The following SAP30L variants were observed in gnomAD, a reference collection of about 807,000 sequenced individuals.
SAP30L encodes SAP30 like, also known as histone deacetylase complex subunit SAP30L.
In SAP30L, 10 loss-of-function variants were observed where a neutral mutation model predicts 22.3. That is an observed-to-expected ratio of 0.45 (90% confidence interval 0.28 to 0.76). SAP30L has a LOEUF of 0.76. SAP30L is among the 30% of genes least tolerant of loss of function. SAP30L has a pLI of 0.14. For missense variants in SAP30L, 206 were observed against 237.9 expected, an observed-to-expected ratio of 0.87 and a Z score of 0.88; for synonymous variants, 91 against 94.1, an observed-to-expected ratio of 0.97 and a Z score of 0.19.
chr5:154,450,950 T>G, intron 1 of SAP30L, 141 bp from the exon 2 acceptor site: 1 of 875,230 alleles, frequency 1.1e-6, no homozygotes, highest in East Asian at 2.5e-5. Flanking sequence ...GTAGTGAGCT[T>G]CTGGGAATGA....
chr5:154,456,143 A>T lies in SAP30L; in HGVS notation c.*115A>T. Reference sequence around the variant, plus strand: ...TATTGTAAATAAAAAAGTTTGAATGATGAATACTGTAAATCTTTTTGGTCA... The same window carrying T: ...TATTGTAAATAAAAAAGTTTGAATGTTGAATACTGTAAATCTTTTTGGTCA... On this transcript the variant is annotated 3_prime_UTR_variant, in exon 4 of 4. Transcript: ENST00000297109. The T allele has an allele frequency of 1.9e-6, 2 of 1,080,528 alleles. No individual in the cohort carries two copies. Among genetic ancestry groups the T allele is most frequent in the African/African-American group, 3.2e-5 (2 of 62,484 alleles). The allele number at this position is 1,080,528 out of a possible 1,614,324, so 66.9% of individuals were successfully genotyped here. A position where few individuals can be genotyped will look rare whatever the true frequency, so the allele number is the denominator to read the frequency against.
In SAP30L at chr5:154,446,701, G is replaced by T. The variant is rs775339234; in HGVS notation, c.97G>T (p.Glu33Ter). ...CTACGGCCAGAGCTGCTGCCTCATC[G>T]AGGACGGCGAGCGCTGCGTCCGGCC... ...PGYGQSCCLI[E>*]DGERCVRPAG... The change falls in exon 1 of 4, where the codon GAG becomes TAG. Residue 33 changes from glutamate to a stop codon, truncating the protein, a stop_gained. Coordinates refer to ENST00000297109, the MANE Select transcript of SAP30L (RefSeq NM_024632.6). LOFTEE classifies it high-confidence loss of function. The T allele has an allele frequency of 6.3e-7, 1 of 1,595,992 alleles. No homozygotes were observed.
At position 154,446,352 on chromosome 5, in the gene SAP30L, C is replaced by G. The variant is rs1302183417; in HGVS notation, c.-253C>G. 7.9e-6 allele frequency: 3 copies of G among 379,094 alleles called. No homozygotes were observed. The highest frequency in any genetic ancestry group is 1.4e-5 in the Non-Finnish European group (3 of 213,810). 23.5% of individuals were successfully genotyped at this position (379,094 alleles called of 1,614,324 possible). ...CGGCAGAAGGCTCCTCCGGGTGACCCCCGGCGGGGCCCTGCGAGCCGCGGG... is the reference window on the plus strand; with the variant it reads ...CGGCAGAAGGCTCCTCCGGGTGACCGCCGGCGGGGCCCTGCGAGCCGCGGG... On this transcript the variant is annotated 5_prime_UTR_variant, in exon 1 of 4. Transcript: ENST00000297109.
chr5:154,452,382 A>AAAT, intron 2 of SAP30L: 7 of 506,214 alleles, frequency 1.4e-5, no homozygotes, highest in Non-Finnish European at 1.8e-5. Flanking sequence ...AAAAAAAAAA[A>AAAT]GGTTTTGAGG....
At chr5:154,448,491 C>A (rs1757073588) in intron 1 of SAP30L, among the ~76,000 whole-genome samples, 1 of 152,194 alleles carries the variant, frequency 6.6e-6, no homozygotes, top group Admixed American at 6.5e-5. Flanking sequence ...TTAGGTCACA[C>A]GTTGAGGTGA....
intron 1 of SAP30L, among the ~76,000 whole-genome samples, chr5:154,447,998 C>T (rs7710654): frequency 6.6e-5 from 6 of 91,300 alleles, no homozygotes; most frequent in East Asian, 3.6e-4. Flanking sequence ...TTTTTTGAGA[C>T]GGAGTCTCAC....
chr5:154,459,894 C>T lies in SAP30L; in HGVS notation c.*3866C>T, dbSNP rs1411140472. The T allele has an allele frequency of 7.9e-5, 12 of 152,180 alleles. 1 individual carries two copies. The highest frequency in any genetic ancestry group is 6.5e-4 in the Admixed American group (10 of 15,272). The allele number at this position is 152,180 out of a possible 1,614,324, so 9.4% of individuals were successfully genotyped here. A position where few individuals can be genotyped will look rare whatever the true frequency, so the allele number is the denominator to read the frequency against. On this transcript the variant is annotated 3_prime_UTR_variant, in exon 4 of 4. Transcript: ENST00000297109. ...AACGCTTCAGGACTTAAGGTCTAAG[C>T]GTCAGAGAAGTGCCGTATTTTCAAG...
intron 3 of SAP30L, among the ~76,000 whole-genome samples, chr5:154,454,041 C>A (rs1477233537): frequency 6.6e-6 from 1 of 152,200 alleles, no homozygotes; most frequent in African/African-American, 2.4e-5. Flanking sequence ...TCAAGTGATT[C>A]TCTTTGGCTC....
chr5:154,456,257 G>C lies in SAP30L; in HGVS notation c.*229G>C, dbSNP rs140046446. On this transcript the variant is annotated 3_prime_UTR_variant, in exon 4 of 4. Coordinates refer to ENST00000297109, the MANE Select transcript of SAP30L (RefSeq NM_024632.6). ...ACTAAAAAAATCAGGATCATTAAAAGAATTAAAAACTATGTATTTCAGCAT... is the reference window on the plus strand; with the variant it reads ...ACTAAAAAAATCAGGATCATTAAAACAATTAAAAACTATGTATTTCAGCAT... 1 of 347,434 alleles carries C rather than the reference G, an allele frequency of 2.9e-6. No homozygotes were observed. Among genetic ancestry groups the C allele is most frequent in the East Asian group, 4.9e-5 (1 of 20,328 alleles). 21.5% of individuals were successfully genotyped at this position (347,434 alleles called of 1,614,324 possible). A position where few individuals can be genotyped will look rare whatever the true frequency, so the allele number is the denominator to read the frequency against.
intron 1 of SAP30L, among the ~76,000 whole-genome samples, chr5:154,450,067 T>C (rs942766504): frequency 2.0e-5 from 3 of 152,232 alleles, no homozygotes; most frequent in Non-Finnish European, 4.4e-5. Flanking sequence ...AAACTCAAAT[T>C]CAGAAGTCTC....
chr5:154,453,326 G>T, intron 2 of SAP30L, 76 bp from the exon 3 acceptor site: 1 of 991,326 alleles, frequency 1.0e-6, no homozygotes, highest in Non-Finnish European at 1.6e-6. Context: ...TTAGTGTAGT[G>T]CTAGGCACAT....
At chr5:154,452,906 C>CA (rs1010148034) in intron 2 of SAP30L, among the ~76,000 whole-genome samples, 7 of 151,892 alleles carry the variant, frequency 4.6e-5, no homozygotes, top group African/African-American at 7.2e-5. Flanking sequence ...GTTGCTATAG[C>CA]ATCTCCCTCC....
intron 1 of SAP30L, among the ~76,000 whole-genome samples, chr5:154,450,061 T>C (rs534642852): frequency 6.6e-6 from 1 of 152,348 alleles, no homozygotes; most frequent in East Asian, 1.9e-4. Context: ...AGGAATAAAC[T>C]CAAATTCAGA....
At chr5:154,452,061 GTTTTCA>G (rs1275241683) in intron 2 of SAP30L, among the ~76,000 whole-genome samples, 1 of 152,090 alleles carries the variant, frequency 6.6e-6, no homozygotes, top group Non-Finnish European at 1.5e-5. Context: ...CTACTAAATT[GTTTTCA>G]CTCAAGACTC....
intron 1 of SAP30L, among the ~76,000 whole-genome samples, chr5:154,448,244 G>A (rs901537456): frequency 4.6e-5 from 7 of 152,086 alleles, no homozygotes; most frequent in Non-Finnish European, 8.8e-5. Flanking sequence ...CCAAAGTTCT[G>A]GGATTACAGG....
At chr5:154,453,340 G>A in intron 2 of SAP30L, 62 bp from the exon 3 acceptor site, 1 of 1,133,760 alleles carries the variant, frequency 8.8e-7, no homozygotes, top group South Asian at 1.3e-5. Flanking sequence ...GGCACATAGT[G>A]GGCTCTTGGT....
At position 154,460,454 on chromosome 5, in the gene SAP30L, G is replaced by A. The variant is rs1757351160; in HGVS notation, c.*4426G>A. 1 of 152,274 alleles carries A rather than the reference G, an allele frequency of 6.6e-6. No homozygotes were observed. Among genetic ancestry groups the A allele is most frequent in the Non-Finnish European group, 1.5e-5 (1 of 68,082 alleles). The allele number at this position is 152,274 out of a possible 1,614,324, so 9.4% of individuals were successfully genotyped here. On this transcript the variant is annotated 3_prime_UTR_variant, in exon 4 of 4. Coordinates refer to ENST00000297109, the MANE Select transcript of SAP30L (RefSeq NM_024632.6). ...TGGGCAGTCGAACCGAAGGGCAGATGAGCTCAAGATCATGCCTTGGGAAGC... is the reference window on the plus strand; with the variant it reads ...TGGGCAGTCGAACCGAAGGGCAGATAAGCTCAAGATCATGCCTTGGGAAGC...
chr5:154,449,466 A>T (rs1212580553), intron 1 of SAP30L, among the ~76,000 whole-genome samples: 1 of 152,134 alleles, frequency 6.6e-6, no homozygotes, highest in African/African-American at 2.4e-5. Context: ...GGATTCCGTT[A>T]TTCTATTGTC....
intron 2 of SAP30L, chr5:154,452,464 A>C (rs1029087375): frequency 2.3e-4 from 226 of 984,674 alleles, no homozygotes; most frequent in Non-Finnish European, 2.7e-4. Context: ...AGTGCTCTCC[A>C]CCTGCCTGAA....
Sources: gnomAD v4.1 joint callset for allele counts (sites outside exome capture counted in the v4.1 genomes callset) on GRCh38, gnomAD v4.1.1 for gene constraint, MANE v1.5 for transcripts, NCBI Gene and HGNC (gene_info 2026-07-23, HGNC 2026-07-21) for gene names.